Variants in PARD3B observed in about 807,000 individuals in gnomAD.
The protein encoded by PARD3B is partitioning defective 3 homolog B.
Under a neutral mutation model 130.2 loss-of-function variants are expected in PARD3B, and 103 were observed. The ratio of observed to expected loss-of-function variants is 0.79; its 90% confidence interval spans 0.67 to 0.93. PARD3B has a LOEUF of 0.93. Among genes scored for constraint, PARD3B ranks in the 40% least tolerant of loss-of-function variants. The pLI, the probability that PARD3B is intolerant of heterozygous loss-of-function variation, is 0.00. For synonymous variants in PARD3B, 583 were observed against 553.2 expected, an observed-to-expected ratio of 1.05 and a Z score of -0.76; for missense variants, 1,609 against 1,499.2, an observed-to-expected ratio of 1.07 and a Z score of -1.21.
intron 18 of PARD3B, among the ~76,000 whole-genome samples, chr2:205,345,981 G>T (rs2043740807): frequency 1.1e-5 from 1 of 91,654 alleles, no homozygotes. Flanking sequence ...GACCAGCCTG[G>T]CCAACATAGT....
intron 11 of PARD3B, among the ~76,000 whole-genome samples, chr2:205,166,284 T>C (rs2125731966): frequency 6.6e-6 from 1 of 152,258 alleles, no homozygotes; most frequent in South Asian, 2.1e-4. Context: ...TAATTCTGTC[T>C]GGGGAGAAAA....
At chr2:205,467,190 A>C (rs2048657849) in intron 20 of PARD3B, among the ~76,000 whole-genome samples, 1 of 152,250 alleles carries the variant, frequency 6.6e-6, no homozygotes, top group Admixed American at 6.5e-5. Context: ...ACAGCAGCAA[A>C]AAAGTTGTCA....
chr2:205,036,751 A>G (rs1356538416), intron 3 of PARD3B, among the ~76,000 whole-genome samples: 4 of 149,036 alleles, frequency 2.7e-5, no homozygotes, highest in Non-Finnish European at 6.0e-5. Flanking sequence ...AAATATATAT[A>G]CACAGCGGAC....
intron 1 of PARD3B, among the ~76,000 whole-genome samples, chr2:204,587,187 A>G (rs1378319227): frequency 6.6e-6 from 1 of 152,192 alleles, no homozygotes; most frequent in East Asian, 1.9e-4. Context: ...GACAGAGAAG[A>G]TATGACTTAT....
intron 15 of PARD3B, among the ~76,000 whole-genome samples, chr2:205,195,268 A>G (rs1216792058): frequency 6.6e-6 from 1 of 152,190 alleles, no homozygotes; most frequent in Non-Finnish European, 1.5e-5. Context: ...AAAATTGGTC[A>G]GGTTACGAGC....
intron 2 of PARD3B, among the ~76,000 whole-genome samples, chr2:204,742,932 A>G (rs1270495319): frequency 1.3e-5 from 2 of 152,162 alleles, no homozygotes; most frequent in African/African-American, 4.8e-5. Flanking sequence ...TTTCATTTAC[A>G]TTGTTTCCAT....
intron 15 of PARD3B, among the ~76,000 whole-genome samples, chr2:205,193,979 G>T (rs542062104): frequency 6.6e-6 from 1 of 152,104 alleles, no homozygotes; most frequent in African/African-American, 2.4e-5. Context: ...CAGAGCAAGG[G>T]CCCCTGTTAA....
intron 18 of PARD3B, among the ~76,000 whole-genome samples, chr2:205,346,970 C>T (rs908300135): frequency 1.0e-4 from 15 of 143,618 alleles, no homozygotes; most frequent in South Asian, 4.3e-4. Flanking sequence ...CATGGCTGAA[C>T]ACAGTGAGTA....
intron 2 of PARD3B, among the ~76,000 whole-genome samples, chr2:204,815,914 A>G (rs752228743): frequency 6.6e-6 from 1 of 152,040 alleles, no homozygotes; most frequent in Non-Finnish European, 1.5e-5. Flanking sequence ...TGAGACGTAC[A>G]TATTCTGCTA....
intron 21 of PARD3B, among the ~76,000 whole-genome samples, chr2:205,538,290 G>A (rs922647151): frequency 1.3e-5 from 2 of 152,186 alleles, no homozygotes; most frequent in Non-Finnish European, 2.9e-5. Context: ...GGAAGAGAGG[G>A]GGAGAGGAAA....
chr2:205,386,662 TTTGTTG>T (rs548032702), intron 18 of PARD3B, among the ~76,000 whole-genome samples: 4 of 26,934 alleles, frequency 1.5e-4, no homozygotes, highest in African/African-American at 9.3e-5. Flanking sequence ...GTTTTTTTTT[TTTGTTG>T]TTGAAGGATT....
At chr2:205,175,795 G>A (rs2035433697) in intron 12 of PARD3B, among the ~76,000 whole-genome samples, 1 of 152,186 alleles carries the variant, frequency 6.6e-6, no homozygotes, top group African/African-American at 2.4e-5. Context: ...TTCAGCACCT[G>A]TGGAAGATGG....
intron 2 of PARD3B, among the ~76,000 whole-genome samples, chr2:204,923,480 G>A (rs1164474081): frequency 2.0e-5 from 3 of 151,730 alleles, no homozygotes; most frequent in Admixed American, 2.0e-4. Flanking sequence ...AATATATTCA[G>A]TCAGCCTTAA....
At chr2:204,805,361 A>C (rs989806279) in intron 2 of PARD3B, among the ~76,000 whole-genome samples, 14 of 152,172 alleles carry the variant, frequency 9.2e-5, no homozygotes, top group Admixed American at 8.5e-4. Flanking sequence ...AGATTGAACC[A>C]TGAAGAAATC....
intron 5 of PARD3B, among the ~76,000 whole-genome samples, chr2:205,111,950 T>C (rs909656269): frequency 1.1e-4 from 16 of 152,102 alleles, no homozygotes; most frequent in Non-Finnish European, 1.3e-4. Context: ...GTATTGCTTT[T>C]TTGTCTCTTG....
chr2:205,495,355 T>C (rs899309173), intron 20 of PARD3B, among the ~76,000 whole-genome samples: 1 of 152,220 alleles, frequency 6.6e-6, no homozygotes, highest in African/African-American at 2.4e-5. Context: ...AAGACTGTCA[T>C]TGATCACCTA....
chr2:205,036,399 A>G (rs1442447677), intron 3 of PARD3B, among the ~76,000 whole-genome samples: 2 of 147,460 alleles, frequency 1.4e-5, no homozygotes, highest in Non-Finnish European at 3.0e-5. Flanking sequence ...TAAAAAATAT[A>G]CGTATATAGC....
intron 2 of PARD3B, among the ~76,000 whole-genome samples, chr2:204,945,321 G>A (rs572114850): frequency 3.3e-5 from 5 of 152,266 alleles, no homozygotes; most frequent in Admixed American, 3.3e-4. Context: ...TCCGGGAGAT[G>A]AAATCACCAG....
intron 2 of PARD3B, among the ~76,000 whole-genome samples, chr2:204,877,632 A>G (rs2045894710): frequency 6.6e-6 from 1 of 152,130 alleles, no homozygotes; most frequent in African/African-American, 2.4e-5. Context: ...AATTTCACCA[A>G]AGATGCCAGG....
Sources: allele counts gnomAD v4.1 joint callset (sites outside exome capture counted in the v4.1 genomes callset), GRCh38; gene constraint gnomAD v4.1.1; transcripts MANE v1.5; gene names NCBI Gene and HGNC (gene_info 2026-07-23, HGNC 2026-07-21).